The following MTFMT variants were observed in gnomAD, a reference collection of about 807,000 sequenced individuals.
The protein encoded by MTFMT is methionyl-tRNA formyltransferase, mitochondrial.
MTFMT carries 47 observed loss-of-function variants against 51.8 expected under a neutral mutation model. The observed-to-expected ratio is 0.91, with a 90% CI of 0.72 to 1.16. MTFMT has a LOEUF of 1.16. MTFMT is among the 50% of genes most tolerant of loss of function. MTFMT has a pLI of 0.00. For missense variants in MTFMT, 512 were observed against 482.3 expected (o/e 1.06, Z -0.58); for synonymous variants, 196 against 176.7 (o/e 1.11, Z -0.87).
Position 65,003,377 on chromosome 15 carries a change from C to T in MTFMT, c.976-121G>A, listed in dbSNP as rs865925750. The T allele has an allele frequency of 1.6e-4, 116 of 737,144 alleles. 1 individual carries two copies. The highest frequency in any genetic ancestry group is 6.7e-4 in the Middle Eastern group (2 of 2,990). 45.7% of individuals were successfully genotyped at this position (737,144 alleles called of 1,614,324 possible). A position where few individuals can be genotyped will look rare whatever the true frequency, so the allele number is the denominator to read the frequency against. On this transcript the variant is annotated intron_variant, in intron 8 of 8. Transcript: ENST00000220058. ...CAAACCAACAAATCTTTACTAAATG[C>T]CTAGCTGCAAACAGCACTACACTAA...
At chr15:65,013,304 C>T (rs1482969024) in intron 6 of MTFMT, among the ~76,000 whole-genome samples, 1 of 91,854 alleles carries the variant, frequency 1.1e-5, no homozygotes, top group African/African-American at 3.1e-5. Flanking sequence ...TTTTAAGAGA[C>T]AAAGTCTGGC....
chr15:65,018,896 T>C (rs766740643), intron 5 of MTFMT, among the ~76,000 whole-genome samples: 1 of 152,172 alleles, frequency 6.6e-6, no homozygotes, highest in Non-Finnish European at 1.5e-5. Context: ...AGAGAAAGAA[T>C]TAAGCCCCTG....
Position 65,002,697 on chromosome 15 carries a change from G to T in MTFMT, c.*365C>A, listed in dbSNP as rs973741730. The T allele has an allele frequency of 6.5e-6, 1 of 153,658 alleles. No individual in the cohort carries two copies. The highest frequency in any genetic ancestry group is 1.4e-5 in the Non-Finnish European group (1 of 69,172). The allele number at this position is 153,658 out of a possible 1,614,324, so 9.5% of individuals were successfully genotyped here. ...AGATAATTCCAGGCCAGGCACGGTG[G>T]CTCACGTCTGTAATCATAGCACTTT... On this transcript the variant is annotated 3_prime_UTR_variant, in exon 9 of 9. Transcript: ENST00000220058.
In MTFMT at chr15:65,003,037, A is replaced by T; in HGVS notation, c.*25T>A. 7.3e-7 allele frequency: 1 copy of T among 1,361,294 alleles called. No individual in the cohort carries two copies. The highest frequency in any genetic ancestry group is 9.8e-7 in the Non-Finnish European group (1 of 1,018,304). The allele number at this position is 1,361,294 out of a possible 1,614,324, so 84.3% of individuals were successfully genotyped here. A position where few individuals can be genotyped will look rare whatever the true frequency, so the allele number is the denominator to read the frequency against. ...TTTTAATAAATTACAAATATGTAAT[A>T]GGTTTTTATCCATCTTCTTCCTAAC... On this transcript the variant is annotated 3_prime_UTR_variant, in exon 9 of 9. Transcript: ENST00000220058.
rs2140484693 is a variant in MTFMT, at chr15:65,020,179, T to C, written c.721+18A>G. On this transcript the variant is annotated intron_variant, in intron 5 of 8. Transcript: ENST00000220058. ...CAGAACCTTTAGAAAGATGAGAGTCTCTGCAGCCTTCACTCACCGTAAGTC... is the reference window on the plus strand; with the variant it reads ...CAGAACCTTTAGAAAGATGAGAGTCCCTGCAGCCTTCACTCACCGTAAGTC... 6.2e-7 allele frequency: 1 copy of C among 1,605,512 alleles called. No homozygotes were observed. Among genetic ancestry groups the C allele is most frequent in the East Asian group, 2.2e-5 (1 of 44,842 alleles).
intron 6 of MTFMT, among the ~76,000 whole-genome samples, chr15:65,009,341 A>G (rs553817715): frequency 6.6e-6 from 1 of 152,360 alleles, no homozygotes; most frequent in Admixed American, 6.5e-5. Context: ...ATATCTCCAT[A>G]TGAACGTCTT....
chr15:65,022,302 A>C (rs1049990382), intron 3 of MTFMT, among the ~76,000 whole-genome samples: 2 of 152,052 alleles, frequency 1.3e-5, no homozygotes, highest in African/African-American at 4.8e-5. Context: ...AAATACAAAA[A>C]ATTAGCCGGG....
chr15:65,014,314 A>G (rs974264605), intron 6 of MTFMT, among the ~76,000 whole-genome samples: 1 of 144,204 alleles, frequency 6.9e-6, no homozygotes, highest in African/African-American at 2.5e-5. Flanking sequence ...AATTTATCAC[A>G]CTATTTGATT....
chr15:65,008,063 G>A (rs1213665116), intron 6 of MTFMT, among the ~76,000 whole-genome samples: 2 of 151,966 alleles, frequency 1.3e-5, no homozygotes, highest in Admixed American at 1.3e-4. Context: ...TATAGTCCTT[G>A]TGATTTTACT....
At chr15:65,003,492 C>T (rs181850086) in intron 8 of MTFMT, among the ~76,000 whole-genome samples, 8 of 152,054 alleles carry the variant, frequency 5.3e-5, no homozygotes, top group African/African-American at 1.7e-4. Context: ...TACCAAGGAG[C>T]GATAACAAAT....
At chr15:65,025,561 A>T (rs1193408075) in intron 2 of MTFMT, among the ~76,000 whole-genome samples, 1 of 151,998 alleles carries the variant, frequency 6.6e-6, no homozygotes, top group Non-Finnish European at 1.5e-5. Context: ...ATACAGACAG[A>T]TTCTACACAG....
intron 6 of MTFMT, among the ~76,000 whole-genome samples, chr15:65,013,921 C>T (rs2086292302): frequency 1.3e-5 from 2 of 150,236 alleles, no homozygotes; most frequent in Non-Finnish European, 3.0e-5. Context: ...CCAGCCTAGG[C>T]GACAGGGCGA....
At chr15:65,003,609 C>A (rs1298088200) in intron 8 of MTFMT, among the ~76,000 whole-genome samples, 3 of 152,224 alleles carry the variant, frequency 2.0e-5, no homozygotes, top group Admixed American at 6.5e-5. Flanking sequence ...GTAATCCCAG[C>A]ACTTTGGGAG....
intron 1 of MTFMT, 120 bp downstream of exon 1, chr15:65,029,285 C>T: frequency 7.6e-7 from 1 of 1,322,346 alleles, no homozygotes; most frequent in Non-Finnish European, 9.6e-7. Context: ...AGATCTGGGC[C>T]CACACCGCTC....
intron 1 of MTFMT, 112 bp downstream of exon 1, chr15:65,029,293 C>T: frequency 1.5e-6 from 2 of 1,327,044 alleles, no homozygotes; most frequent in Non-Finnish European, 1.9e-6. Flanking sequence ...GCCCACACCG[C>T]TCTGCCGCCC....
intron 8 of MTFMT, among the ~76,000 whole-genome samples, chr15:65,004,245 G>A (rs540112605): frequency 1.6e-4 from 24 of 152,000 alleles, no homozygotes; most frequent in Non-Finnish European, 2.1e-4. Flanking sequence ...TCGAATTCCC[G>A]ACCTCAGGTG....
At chr15:65,014,996 A>G (rs1351131752) in intron 6 of MTFMT, among the ~76,000 whole-genome samples, 1 of 147,040 alleles carries the variant, frequency 6.8e-6, no homozygotes, top group Non-Finnish European at 1.5e-5. Flanking sequence ...TTTCTATAGT[A>G]CCTAGTACAC....
chr15:65,024,817 G>A (rs968819023), intron 2 of MTFMT, among the ~76,000 whole-genome samples: 3 of 152,194 alleles, frequency 2.0e-5, no homozygotes, highest in Non-Finnish European at 4.4e-5. Context: ...AAGCAGAGAG[G>A]ACTATGAGGG....
Position 65,029,399 on chromosome 15 carries a change from G to T in MTFMT, c.209+6C>A. 1 of 1,484,942 alleles carries T rather than the reference G, an allele frequency of 6.7e-7. No homozygotes were observed. The highest frequency in any genetic ancestry group is 8.9e-7 in the Non-Finnish European group (1 of 1,118,454). 92.0% of individuals were successfully genotyped at this position (1,484,942 alleles called of 1,614,324 possible). On this transcript the variant is annotated splice_donor_region_variant and intron_variant, in intron 1 of 8. Coordinates refer to ENST00000220058, the MANE Select transcript of MTFMT (RefSeq NM_139242.4). ...GGCCGGGTCCCCGGATCCCTGGCCC[G>T]GGTACCTGGCGGCGTGCAGCGCCCG...
Sources: allele counts gnomAD v4.1 joint callset (sites outside exome capture counted in the v4.1 genomes callset), GRCh38; gene constraint gnomAD v4.1.1; transcripts MANE v1.5; gene names NCBI Gene and HGNC (gene_info 2026-07-23, HGNC 2026-07-21).